ARPC2: variants seen among roughly 807,000 people sequenced by gnomAD.
ARPC2 encodes the protein actin-related protein 2/3 complex subunit 2.
Under a neutral mutation model 38.6 loss-of-function variants are expected in ARPC2, and 4 were observed. The observed-to-expected ratio is 0.10, with a 90% confidence interval of 0.05 to 0.24. The LOEUF (loss-of-function observed/expected upper bound fraction) is 0.24. ARPC2 is among the 10% of genes least tolerant of loss of function. The probability of loss-of-function intolerance (pLI) is 1.00; values close to 1 mark genes in which losing one functional copy is unlikely to be tolerated. For synonymous variants in ARPC2, 125 were observed against 140.8 expected (o/e 0.89, Z 0.79); for missense variants, 229 against 387.3 (o/e 0.59, Z 3.43).
chr2:218,226,876 C>A, intron 3 of ARPC2: 1 of 279,198 alleles, frequency 3.6e-6, no homozygotes, highest in South Asian at 2.8e-5. Flanking sequence ...CTTAGTTTGC[C>A]TAGCACTAGA....
chr2:218,251,661 C>G (rs903407727), intron 10 of ARPC2, among the ~76,000 whole-genome samples: 9 of 152,058 alleles, frequency 5.9e-5, no homozygotes, highest in African/African-American at 1.7e-4. Flanking sequence ...CCATGTTGTC[C>G]AGGCTGGTCT....
At chr2:218,228,142 C>T (rs1312004694) in intron 3 of ARPC2, among the ~76,000 whole-genome samples, 1 of 152,058 alleles carries the variant, frequency 6.6e-6, no homozygotes, top group African/African-American at 2.4e-5. Flanking sequence ...AGGTGGTTCA[C>T]GCCTGTAATC....
At chr2:218,248,880 T>C (rs1441760464) in intron 8 of ARPC2, among the ~76,000 whole-genome samples, 1 of 152,230 alleles carries the variant, frequency 6.6e-6, no homozygotes, top group Non-Finnish European at 1.5e-5. Context: ...ATTGTCTGTT[T>C]TCACAGTGAG....
At chr2:218,239,843 G>A (rs1046591103) in intron 7 of ARPC2, among the ~76,000 whole-genome samples, 4 of 151,844 alleles carry the variant, frequency 2.6e-5, no homozygotes, top group South Asian at 2.1e-4. Context: ...TGCCCATCTC[G>A]GCCTCCCAAA....
intron 7 of ARPC2, among the ~76,000 whole-genome samples, chr2:218,243,010 A>T (rs1166466639): frequency 6.6e-6 from 1 of 152,178 alleles, no homozygotes; most frequent in Non-Finnish European, 1.5e-5. Flanking sequence ...ATTTTGAGTT[A>T]TAGGTAGAAA....
In ARPC2 at chr2:218,251,882, G is replaced by C. The variant is rs557134651; in HGVS notation, c.878+1961G>C. ...CTGTCATTTGAAAGGATGAGAAAGA[G>C]ATCAAGGACTTGAGCAGTAGGTGAG... is the stretch of plus-strand genomic sequence containing the variant. On this transcript the variant is annotated intron_variant, in intron 10 of 10. Transcript: ENST00000315717. 2.4e-4 allele frequency among the ~76,000 whole-genome samples: 37 copies of C among 152,300 alleles called. No homozygotes were observed. The South Asian group carries it at 7.0e-3, about 29-fold the overall frequency.
intron 4 of ARPC2, among the ~76,000 whole-genome samples, chr2:218,232,490 G>T (rs1478429025): frequency 6.6e-6 from 1 of 151,540 alleles, no homozygotes; most frequent in African/African-American, 2.4e-5. Flanking sequence ...GGGCCTTCGT[G>T]CCCTTTCCCG....
intron 8 of ARPC2, among the ~76,000 whole-genome samples, chr2:218,247,149 A>C (rs1216859864): frequency 2.6e-5 from 4 of 152,152 alleles, no homozygotes; most frequent in Admixed American, 6.5e-5. Context: ...TTAAGAAGAG[A>C]ACCACCTAAG....
intron 3 of ARPC2, 64 bp downstream of exon 3, chr2:218,226,018 G>C: frequency 1.9e-6 from 3 of 1,546,028 alleles, no homozygotes; most frequent in Admixed American, 3.3e-5. Flanking sequence ...AAATAGGCTG[G>C]GTGCAGTGGC....
At chr2:218,249,292 G>A (rs1690122667) in intron 8 of ARPC2, 72 bp from the exon 9 acceptor site, 3 of 1,005,912 alleles carry the variant, frequency 3.0e-6, no homozygotes, top group African/African-American at 3.2e-5. Context: ...ATGTTCACTA[G>A]GCTGTTGTTC....
At chr2:218,241,685 G>A (rs1341924346) in intron 7 of ARPC2, among the ~76,000 whole-genome samples, 3 of 152,200 alleles carry the variant, frequency 2.0e-5, no homozygotes, top group Non-Finnish European at 4.4e-5. Flanking sequence ...AGAATTTTGT[G>A]TATTCTTTTT....
At chr2:218,248,282 GAC>G (rs916028283) in intron 8 of ARPC2, among the ~76,000 whole-genome samples, 9 of 152,346 alleles carry the variant, frequency 5.9e-5, no homozygotes, top group African/African-American at 2.2e-4. Context: ...AGGGCACATT[GAC>G]ACAGAAATTC....
At chr2:218,241,037 C>T (rs1689901043) in intron 7 of ARPC2, among the ~76,000 whole-genome samples, 2 of 152,190 alleles carry the variant, frequency 1.3e-5, no homozygotes, top group African/African-American at 4.8e-5. Context: ...GGTCAAGTGA[C>T]ATTCAGGCTG....
rs1690005239 is a variant in ARPC2, at chr2:218,245,305, C to G, written c.550-115C>G. ...GTTTGGTGTAGTTTATTTTTAACCT[C>G]CTGCTGGTCTGGAGGGCTACAAAGG... On this transcript the variant is annotated intron_variant, in intron 7 of 10. Transcript: ENST00000315717. 5 of 1,329,822 alleles carry G rather than the reference C, an allele frequency of 3.8e-6. No homozygotes were observed. In the South Asian group the frequency reaches 5.4e-5, roughly 14 times the overall value. 82.4% of individuals were successfully genotyped at this position (1,329,822 alleles called of 1,614,324 possible). A position where few individuals can be genotyped will look rare whatever the true frequency, so the allele number is the denominator to read the frequency against.
chr2:218,239,585 A>C, intron 7 of ARPC2, 101 bp downstream of exon 7: 1 of 900,806 alleles, frequency 1.1e-6, no homozygotes, highest in South Asian at 1.6e-5. Flanking sequence ...AACTCTACTG[A>C]TGTTAGAATT....
intron 4 of ARPC2, 93 bp downstream of exon 4, chr2:218,228,943 C>T (rs1689569170): frequency 1.3e-6 from 1 of 757,058 alleles, no homozygotes; most frequent in Non-Finnish European, 2.3e-6. Context: ...CTAAATCACC[C>T]CCACATGACT....
At chr2:218,229,127 G>A (rs1461271039) in intron 4 of ARPC2, 1 of 218,732 alleles carries the variant, frequency 4.6e-6, no homozygotes, top group Non-Finnish European at 9.2e-6. Flanking sequence ...AATAGCTGTT[G>A]CAAGAATTAG....
chr2:218,240,619 C>A (rs144183845), intron 7 of ARPC2, among the ~76,000 whole-genome samples: 1 of 152,106 alleles, frequency 6.6e-6, no homozygotes, highest in Non-Finnish European at 1.5e-5. Flanking sequence ...AGGCCAGGCG[C>A]GGTGGCTGAC....
chr2:218,232,546 ATTTTTTTTTTTTT>A (rs71064418), intron 4 of ARPC2, among the ~76,000 whole-genome samples: 1 of 83,148 alleles, frequency 1.2e-5, no homozygotes. Context: ...GCCAGACTCA[ATTTTTTTTTTTTT>A]TTTTTTTTTT....
Sources: allele counts gnomAD v4.1 joint callset (sites outside exome capture counted in the v4.1 genomes callset), GRCh38; gene constraint gnomAD v4.1.1; transcripts MANE v1.5; gene names NCBI Gene and HGNC (gene_info 2026-07-23, HGNC 2026-07-21).